The following CEP192 variants were observed in gnomAD, a reference collection of about 807,000 sequenced individuals.
CEP192 encodes centrosomal protein of 192 kDa.
Under a neutral mutation model 271.8 loss-of-function variants are expected in CEP192, and 151 were observed. That is an observed-to-expected ratio of 0.56 (90% CI 0.49 to 0.64). The LOEUF is 0.64. Among genes scored for constraint, CEP192 ranks in the 30% least tolerant of loss-of-function variants. The probability of loss-of-function intolerance (pLI) is 0.00; values close to 1 mark genes in which losing one functional copy is unlikely to be tolerated. For missense variants in CEP192, 2,910 were observed against 3,020.5 expected, an observed-to-expected ratio of 0.96 and a Z score of 0.86; for synonymous variants, 995 against 1,076.5, an observed-to-expected ratio of 0.92 and a Z score of 1.48.
intron 26 of CEP192, 80 bp from the exon 27 acceptor site, chr18:13,069,658 G>T (rs917944978): frequency 3.9e-6 from 3 of 766,656 alleles, no homozygotes; most frequent in Non-Finnish European, 6.9e-6. Context: ...AATGAGAAAC[G>T]CACGTAAGGC....
intron 44 of CEP192, among the ~76,000 whole-genome samples, chr18:13,123,900 C>T (rs935304067): frequency 2.6e-5 from 4 of 152,154 alleles, no homozygotes; most frequent in African/African-American, 4.8e-5. Context: ...TGGCTCATGC[C>T]TGTAATCCTA....
intron 30 of CEP192, among the ~76,000 whole-genome samples, chr18:13,074,818 C>G (rs2038187180): frequency 6.6e-6 from 1 of 152,070 alleles, no homozygotes; most frequent in Non-Finnish European, 1.5e-5. Flanking sequence ...CAGGAGAACC[C>G]AGGGAGCCAG....
chr18:13,069,862 A>AT lies in CEP192; in HGVS notation c.5174+7dup, dbSNP rs1568370327. On this transcript the variant is annotated splice_region_variant and intron_variant, in intron 27 of 44. Coordinates refer to ENST00000506447, the MANE Select transcript of CEP192 (RefSeq NM_032142.4). ...CCTGAAGCCTGCGAGGAAAGGTAATATAAAAATGTTATAATGGACCGGGCA... is the reference window on the plus strand; with the variant it reads ...CCTGAAGCCTGCGAGGAAAGGTAATATTAAAAATGTTATAATGGACCGGGCA... 1.3e-6 allele frequency: 2 copies of AT among 1,519,806 alleles called. No homozygotes were observed. Among genetic ancestry groups the AT allele is most frequent in the Non-Finnish European group, 1.8e-6 (2 of 1,095,192 alleles). The allele number at this position is 1,519,806 out of a possible 1,614,324, so 94.1% of individuals were successfully genotyped here. A position where few individuals can be genotyped will look rare whatever the true frequency, so the allele number is the denominator to read the frequency against.
intron 9 of CEP192, among the ~76,000 whole-genome samples, chr18:13,027,803 T>C (rs2035389383): frequency 6.6e-6 from 1 of 152,214 alleles, no homozygotes. Context: ...TTTGCAAGTG[T>C]TGTATATGAA....
chr18:13,063,545 C>T (rs1320808827), intron 21 of CEP192, among the ~76,000 whole-genome samples: 1 of 152,072 alleles, frequency 6.6e-6, no homozygotes, highest in Non-Finnish European at 1.5e-5. Flanking sequence ...AAATATTTTG[C>T]CCAGTTTTTG....
intron 11 of CEP192, among the ~76,000 whole-genome samples, chr18:13,035,464 A>G (rs946423620): frequency 6.6e-6 from 1 of 152,218 alleles, no homozygotes; most frequent in African/African-American, 2.4e-5. Flanking sequence ...TGATAAACCC[A>G]TCAGATCTCG....
intron 9 of CEP192, among the ~76,000 whole-genome samples, chr18:13,027,318 A>G (rs2035358657): frequency 6.6e-6 from 1 of 152,184 alleles, no homozygotes; most frequent in Non-Finnish European, 1.5e-5. Flanking sequence ...CTGGAAGCCC[A>G]AGGGGATTTT....
chr18:13,068,513 G>C, intron 24 of CEP192, 91 bp downstream of exon 24: 1 of 1,092,258 alleles, frequency 9.2e-7, no homozygotes, highest in Non-Finnish European at 1.4e-6. Flanking sequence ...ATAAATGTCA[G>C]TACTTCGAAA....
chr18:13,078,581 C>T (rs968262725), intron 30 of CEP192, among the ~76,000 whole-genome samples: 2 of 152,088 alleles, frequency 1.3e-5, no homozygotes, highest in African/African-American at 4.8e-5. Context: ...TCTCCATATC[C>T]TCTCCAGCAT....
intron 6 of CEP192, among the ~76,000 whole-genome samples, chr18:13,016,474 A>G (rs1431762171): frequency 2.6e-5 from 4 of 152,226 alleles, no homozygotes; most frequent in African/African-American, 9.6e-5. Flanking sequence ...CATCACATCC[A>G]TGGAGAGCAG....
intron 17 of CEP192, among the ~76,000 whole-genome samples, chr18:13,050,103 A>G (rs2036698370): frequency 6.6e-6 from 1 of 152,182 alleles, no homozygotes; most frequent in South Asian, 2.1e-4. Context: ...CTGAATTTAA[A>G]AGAAAACTAG....
At chr18:13,017,807 C>T (rs1568285847) in intron 7 of CEP192, among the ~76,000 whole-genome samples, 1 of 152,124 alleles carries the variant, frequency 6.6e-6, no homozygotes, top group Non-Finnish European at 1.5e-5. Context: ...CCCAATAATC[C>T]CCAGAATATC....
At chr18:13,073,888 T>C (rs2038139457) in intron 30 of CEP192, among the ~76,000 whole-genome samples, 1 of 152,202 alleles carries the variant, frequency 6.6e-6, no homozygotes, top group Admixed American at 6.5e-5. Flanking sequence ...GTTTAGACCA[T>C]ACCAAATACC....
At chr18:13,028,907 C>T (rs373775425) in intron 9 of CEP192, among the ~76,000 whole-genome samples, 2 of 152,280 alleles carry the variant, frequency 1.3e-5, no homozygotes, top group East Asian at 1.9e-4. Context: ...CTTTCTTATT[C>T]GAAAGTTATC....
chr18:13,008,350 A>G lies in CEP192; in HGVS notation c.291-106A>G, dbSNP rs574751705. The stretch of plus-strand genomic sequence containing the variant: ...TCAAATGTTTCTTTTTATTGCTTCC[A>G]TTTTTTCTTTTTAAGAGGTAAAATA... On this transcript the variant is annotated intron_variant, in intron 3 of 44. Transcript: ENST00000506447. 4 of 766,970 alleles carry G rather than the reference A, an allele frequency of 5.2e-6. No individual in the cohort carries two copies. The East Asian group carries it at 8.1e-5, about 16-fold the overall frequency. 47.5% of individuals were successfully genotyped at this position (766,970 alleles called of 1,614,324 possible).
intron 44 of CEP192, among the ~76,000 whole-genome samples, chr18:13,121,775 G>A (rs769687289): frequency 1.1e-4 from 17 of 152,216 alleles, no homozygotes; most frequent in Non-Finnish European, 2.1e-4. Context: ...CTTGCACAGT[G>A]CAAGGTGCAC....
At chr18:13,018,113 T>C (rs889446884) in intron 7 of CEP192, among the ~76,000 whole-genome samples, 4 of 152,186 alleles carry the variant, frequency 2.6e-5, no homozygotes, top group African/African-American at 4.8e-5. Context: ...TACTTCTCAT[T>C]GCCCTACACC....
chr18:13,122,572 A>T (rs2040717759), intron 44 of CEP192, among the ~76,000 whole-genome samples: 1 of 114,420 alleles, frequency 8.7e-6, no homozygotes, highest in Admixed American at 8.9e-5. Flanking sequence ...CAGAGCGAGA[A>T]TCCGTCTGAA....
At chr18:13,022,036 G>C (rs902840740) in intron 9 of CEP192, among the ~76,000 whole-genome samples, 5 of 151,968 alleles carry the variant, frequency 3.3e-5, no homozygotes, top group Admixed American at 3.3e-4. Context: ...TCCATTTTCA[G>C]TTAATTTTTG....
Sources: gnomAD v4.1 joint callset for allele counts (sites outside exome capture counted in the v4.1 genomes callset) on GRCh38, gnomAD v4.1.1 for gene constraint, MANE v1.5 for transcripts, NCBI Gene and HGNC (gene_info 2026-07-23, HGNC 2026-07-21) for gene names.